Variants in THSD4 observed in about 807,000 individuals in gnomAD.
THSD4 encodes thrombospondin type-1 domain-containing protein 4.
THSD4 carries 69 observed loss-of-function variants against 119.0 expected under a neutral mutation model. The ratio of observed to expected loss-of-function variants is 0.58; its 90% CI spans 0.48 to 0.71. The LOEUF (loss-of-function observed/expected upper bound fraction) is 0.71, where lower values mean the gene tolerates loss of function less well. Ranked by LOEUF, THSD4 falls within the 30% of genes least tolerant of loss-of-function variation. The probability of loss-of-function intolerance (pLI) is 0.00; values close to 1 mark genes in which losing one functional copy is unlikely to be tolerated. For synonymous variants in THSD4, 524 were observed against 540.4 expected (o/e 0.97, Z 0.42); for missense variants, 1,393 against 1,391.1 (o/e 1.00, Z -0.02).
At chr15:71,209,909 GTCTTC>G (rs1323492687) in intron 3 of THSD4, among the ~76,000 whole-genome samples, 1 of 152,070 alleles carries the variant, frequency 6.6e-6, no homozygotes, top group Admixed American at 6.6e-5. Flanking sequence ...TTCTTCTCTT[GTCTTC>G]TCTTCTCTTG....
chr15:71,286,294 GAT>G (rs1262673766), intron 6 of THSD4, among the ~76,000 whole-genome samples: 12 of 152,060 alleles, frequency 7.9e-5, no homozygotes, highest in Non-Finnish European at 1.5e-4. Context: ...TATTTTTCCT[GAT>G]TCTCTTCCTC....
At chr15:71,380,355 C>G (rs1279790725) in intron 6 of THSD4, among the ~76,000 whole-genome samples, 1 of 152,064 alleles carries the variant, frequency 6.6e-6, no homozygotes, top group Non-Finnish European at 1.5e-5. Context: ...TATTTGGTCA[C>G]AGTATGGAAT....
chr15:71,637,706 G>C (rs1180680214), intron 7 of THSD4, among the ~76,000 whole-genome samples: 2 of 152,026 alleles, frequency 1.3e-5, no homozygotes, highest in Non-Finnish European at 2.9e-5. Flanking sequence ...GTGGATGGTA[G>C]AGTGATGGTT....
At chr15:71,502,083 G>T (rs111485059) in intron 7 of THSD4, among the ~76,000 whole-genome samples, 29 of 152,346 alleles carry the variant, frequency 1.9e-4, no homozygotes, top group African/African-American at 7.0e-4. Flanking sequence ...ATCTCATAGA[G>T]AAATATTTTC....
chr15:71,433,456 GT>G lies in THSD4; in HGVS notation c.1152+21646del, dbSNP rs557632746. 9.7e-3 allele frequency among the ~76,000 whole-genome samples: 1,299 copies of G among 133,852 alleles called. 4 individuals carry two copies. The highest frequency in any genetic ancestry group is 0.044 in the Middle Eastern group (11 of 248). The allele number at this position is 133,852 out of a possible 152,430, so 87.8% of individuals were successfully genotyped here. On this transcript the variant is annotated intron_variant, in intron 7 of 17. Transcript: ENST00000261862. Reference sequence around the variant, plus strand: ...CCATTTAAGTTAACTTTTTTTCTTTGTTTTTTTTTTTTTGGTTTGTTTGTTT... The same window carrying G: ...CCATTTAAGTTAACTTTTTTTCTTTGTTTTTTTTTTTTGGTTTGTTTGTTT...
Position 71,334,562 on chromosome 15 carries a change from T to A in THSD4, c.1016-77125T>A, listed in dbSNP as rs189731290. On this transcript the variant is annotated intron_variant, in intron 6 of 17. Coordinates refer to ENST00000261862, the MANE Select transcript of THSD4 (RefSeq NM_024817.3). ...CCCAGCTCTGGGGGCAGTTGGTGCATGGCTGTCACCCAGGACCCATGGACA... is the reference window on the plus strand; with the variant it reads ...CCCAGCTCTGGGGGCAGTTGGTGCAAGGCTGTCACCCAGGACCCATGGACA... Among the ~76,000 whole-genome samples, 346 of 152,374 alleles carry A rather than the reference T, an allele frequency of 2.3e-3. 12 individuals are homozygous for A. In the South Asian group the frequency reaches 0.04, roughly 18 times the overall value.
At chr15:71,158,148 CTTTTTT>C (rs1193131967) in intron 3 of THSD4, among the ~76,000 whole-genome samples, 2 of 85,004 alleles carry the variant, frequency 2.4e-5, no homozygotes, top group African/African-American at 4.6e-5. Flanking sequence ...CAACACTTAT[CTTTTTT>C]TTTTTTTTTT....
At chr15:71,123,495 T>C (rs7175526) in intron 1 of THSD4, among the ~76,000 whole-genome samples, 130,128 of 152,256 alleles carry the variant, frequency 0.85, 57,438 homozygotes, top group East Asian at 1. Flanking sequence ...AAGGGCCAAC[T>C]GTTGTGCAGG....
chr15:71,644,226 G>C (rs1173546674), intron 7 of THSD4, among the ~76,000 whole-genome samples: 1 of 152,140 alleles, frequency 6.6e-6, no homozygotes, highest in African/African-American at 2.4e-5. Flanking sequence ...AAGAGTCTAT[G>C]ATTCTAGCAT....
chr15:71,753,492 T>C (rs182520490), intron 14 of THSD4, among the ~76,000 whole-genome samples: 49 of 152,216 alleles, frequency 3.2e-4, no homozygotes, highest in African/African-American at 1.1e-3. Context: ...TAGGGGCCAG[T>C]TGGGCCAAGT....
chr15:71,777,161 C>T (rs2053928143), intron 17 of THSD4, 71 bp from the exon 18 acceptor site: 3 of 1,596,252 alleles, frequency 1.9e-6, no homozygotes, highest in Non-Finnish European at 2.6e-6. Flanking sequence ...AGCCACTGCC[C>T]TTTCTCTTCC....
intron 7 of THSD4, among the ~76,000 whole-genome samples, chr15:71,422,677 A>G (rs112641969): frequency 0.024 from 3,629 of 152,232 alleles, 42 homozygotes; most frequent in Middle Eastern, 0.037. Flanking sequence ...AAGGCCTGCC[A>G]TAGCCACTGC....
intron 6 of THSD4, among the ~76,000 whole-genome samples, chr15:71,296,846 AG>A (rs2044869423): frequency 6.6e-6 from 1 of 152,230 alleles, no homozygotes; most frequent in Non-Finnish European, 1.5e-5. Flanking sequence ...AGCTATAACT[AG>A]ATTTTTAATT....
Position 71,634,147 on chromosome 15 carries a change from A to G in THSD4, c.1153-26383A>G, listed in dbSNP as rs191550073. ...GGTTTCAGTGAGCCGAGATCGCACCATTGCACTCCAGCCTGGGCAACAAGA... is the reference window on the plus strand; with the variant it reads ...GGTTTCAGTGAGCCGAGATCGCACCGTTGCACTCCAGCCTGGGCAACAAGA... On this transcript the variant is annotated intron_variant, in intron 7 of 17. Coordinates refer to ENST00000261862, the MANE Select transcript of THSD4 (RefSeq NM_024817.3). 1.9e-3 allele frequency among the ~76,000 whole-genome samples: 294 copies of G among 151,424 alleles called. 1 individual carries two copies. In the Middle Eastern group the frequency reaches 0.02, roughly 11 times the overall value.
intron 14 of THSD4, among the ~76,000 whole-genome samples, chr15:71,752,666 C>T (rs774065441): frequency 5.9e-5 from 9 of 152,144 alleles, no homozygotes; most frequent in Non-Finnish European, 1.3e-4. Context: ...ACTGATTCAC[C>T]GAGCTTCAGT....
At chr15:71,401,262 G>A (rs1184990343) in intron 6 of THSD4, among the ~76,000 whole-genome samples, 21 of 152,186 alleles carry the variant, frequency 1.4e-4, no homozygotes, top group Non-Finnish European at 2.9e-5. Context: ...ACAGCAAGAA[G>A]TTTTGTAGTT....
chr15:71,410,340 C>A (rs2046669281), intron 6 of THSD4, among the ~76,000 whole-genome samples: 2 of 152,136 alleles, frequency 1.3e-5, no homozygotes, highest in African/African-American at 4.8e-5. Flanking sequence ...ATAGAGGAGG[C>A]CACATCAACC....
intron 6 of THSD4, among the ~76,000 whole-genome samples, chr15:71,321,462 G>C (rs2045267207): frequency 6.6e-6 from 1 of 152,152 alleles, no homozygotes; most frequent in Non-Finnish European, 1.5e-5. Flanking sequence ...CTTGAACCTA[G>C]GAGACAGAGG....
At chr15:71,226,002 G>A (rs1207836757) in intron 4 of THSD4, among the ~76,000 whole-genome samples, 1 of 151,822 alleles carries the variant, frequency 6.6e-6, no homozygotes, top group East Asian at 1.9e-4. Context: ...TCTCTTCTTG[G>A]ACAGCCCCCT....
Sources: gnomAD v4.1 joint callset for allele counts (sites outside exome capture counted in the v4.1 genomes callset) on GRCh38, gnomAD v4.1.1 for gene constraint, MANE v1.5 for transcripts, NCBI Gene and HGNC (gene_info 2026-07-23, HGNC 2026-07-21) for gene names.